Variants in PDE5A observed in about 807,000 individuals in gnomAD.
The protein encoded by PDE5A is phosphodiesterase 5A, also known as cGMP-specific 3',5'-cyclic phosphodiesterase.
In PDE5A, 67 loss-of-function variants were observed where a neutral mutation model predicts 110.2. The observed-to-expected ratio is 0.61, with a 90% CI of 0.50 to 0.75. The LOEUF (loss-of-function observed/expected upper bound fraction) is 0.75, where lower values mean the gene tolerates loss of function less well. Ranked by LOEUF, PDE5A falls within the 30% of genes least tolerant of loss-of-function variation. PDE5A has a pLI of 0.00. For missense variants in PDE5A, 862 were observed against 1,045.1 expected (o/e 0.82, Z 2.42); for synonymous variants, 328 against 351.2 (o/e 0.93, Z 0.74).
chr4:119,519,155 C>T lies in PDE5A; in HGVS notation c.1906-16G>A, dbSNP rs199881306. On this transcript the variant is annotated splice_polypyrimidine_tract_variant and intron_variant, in intron 13 of 20. Coordinates refer to ENST00000354960, the MANE Select transcript of PDE5A (RefSeq NM_001083.4). The stretch of plus-strand genomic sequence containing the variant: ...TCAGCTTGTTCTGCATGACCAAAGA[C>T]ATTGGAGGAAAGAGAGAACAAATAT... The T allele has an allele frequency of 7.2e-5, 114 of 1,583,086 alleles. No individual in the cohort carries two copies. The Middle Eastern group carries it at 4.2e-3, about 58-fold the overall frequency.
intron 18 of PDE5A, 122 bp from the exon 19 acceptor site, chr4:119,502,777 C>T: frequency 1.6e-6 from 1 of 644,290 alleles, no homozygotes; most frequent in East Asian, 2.7e-5. Context: ...TAAGCAGCAG[C>T]TTGATACCCG....
intron 3 of PDE5A, among the ~76,000 whole-genome samples, chr4:119,586,040 TG>T (rs1728753922): frequency 6.6e-6 from 1 of 152,184 alleles, no homozygotes; most frequent in Non-Finnish European, 1.5e-5. Context: ...GAACCAAGCT[TG>T]CTAAGCCACT....
At chr4:119,533,022 A>T (rs1726601170) in intron 11 of PDE5A, among the ~76,000 whole-genome samples, 1 of 152,204 alleles carries the variant, frequency 6.6e-6, no homozygotes, top group African/African-American at 2.4e-5. Context: ...AAGTAGTGTG[A>T]AAAGAATGGC....
intron 5 of PDE5A, among the ~76,000 whole-genome samples, chr4:119,564,867 A>G (rs1727870198): frequency 6.6e-6 from 1 of 152,150 alleles, no homozygotes; most frequent in African/African-American, 2.4e-5. Context: ...GAAAAAGTCC[A>G]GATGGAAAAA....
intron 13 of PDE5A, among the ~76,000 whole-genome samples, chr4:119,520,101 C>T (rs1479125032): frequency 6.6e-6 from 1 of 152,100 alleles, no homozygotes; most frequent in Non-Finnish European, 1.5e-5. Context: ...CACGTGTTTG[C>T]TAAGGTAGGA....
chr4:119,584,728 T>C (rs1205539453), intron 3 of PDE5A, among the ~76,000 whole-genome samples: 2 of 152,326 alleles, frequency 1.3e-5, no homozygotes, highest in South Asian at 2.1e-4. Context: ...CTCTGCTTGA[T>C]CTTGCCTCTG....
chr4:119,505,944 A>T lies in PDE5A; in HGVS notation c.2190-12T>A, dbSNP rs200832230. On this transcript the variant is annotated splice_polypyrimidine_tract_variant and intron_variant, in intron 16 of 20. Coordinates refer to ENST00000354960, the MANE Select transcript of PDE5A (RefSeq NM_001083.4). ...ATTCTCCTCGCCTCCTACAATGTTT[A>T]AAAAAAAATTGTTAGTTATAATGAG... The T allele has an allele frequency of 5.2e-5, 74 of 1,412,204 alleles. No individual in the cohort carries two copies. Among genetic ancestry groups the T allele is most frequent in the Non-Finnish European group, 6.5e-5 (67 of 1,032,024 alleles). The allele number at this position is 1,412,204 out of a possible 1,614,324, so 87.5% of individuals were successfully genotyped here. A position where few individuals can be genotyped will look rare whatever the true frequency, so the allele number is the denominator to read the frequency against.
In PDE5A at chr4:119,552,614, G is replaced by A. The variant is rs1727393743; in HGVS notation, c.1332C>T (p.Asn444=). The A allele has an allele frequency of 1.9e-6, 3 of 1,539,244 alleles. No individual in the cohort carries two copies. Among genetic ancestry groups the A allele is most frequent in the Non-Finnish European group, 2.6e-6 (3 of 1,142,738 alleles). The change falls in exon 9 of 21, where the codon AAC becomes AAT. Residue 444 remains asparagine (N), a synonymous_variant. Transcript: ENST00000354960. ...PWTTENTGNV[N]QQCIRSLLCT... Reference sequence around the variant, plus strand: ...AAAGCAAACTTCTAATGCACTGCTGGTTTACATTTCCTGTATTTTCAGTCT... The same window carrying A: ...AAAGCAAACTTCTAATGCACTGCTGATTTACATTTCCTGTATTTTCAGTCT...
intron 19 of PDE5A, 112 bp downstream of exon 19, chr4:119,502,465 AAAAT>A: frequency 1.6e-6 from 1 of 615,762 alleles, no homozygotes; most frequent in South Asian, 2.2e-5. Flanking sequence ...AAAGTTTTAA[AAAAT>A]AAAATGAGAA....
intron 9 of PDE5A, among the ~76,000 whole-genome samples, chr4:119,545,025 A>ACAAG (rs1167605300): frequency 1.3e-5 from 2 of 152,020 alleles, no homozygotes; most frequent in Non-Finnish European, 2.9e-5. Flanking sequence ...GAAAACAACA[A>ACAAG]CAACAACAGC....
intron 7 of PDE5A, among the ~76,000 whole-genome samples, chr4:119,555,967 A>G (rs1045078028): frequency 1.3e-5 from 2 of 152,212 alleles, no homozygotes; most frequent in South Asian, 2.1e-4. Context: ...TAAAGATTGA[A>G]TACCTTCTCC....
At chr4:119,503,672 C>CT (rs1725452480) in intron 18 of PDE5A, among the ~76,000 whole-genome samples, 1 of 152,080 alleles carries the variant, frequency 6.6e-6, no homozygotes, top group African/African-American at 2.4e-5. Context: ...TGAGCATTTT[C>CT]TTTAAGTGTC....
At chr4:119,557,640 T>A (rs1330027005) in intron 7 of PDE5A, among the ~76,000 whole-genome samples, 3 of 152,268 alleles carry the variant, frequency 2.0e-5, no homozygotes, top group East Asian at 3.9e-4. Flanking sequence ...ATGCCAGAAA[T>A]TTTCTGAAGC....
In PDE5A at chr4:119,628,745, A is replaced by G. The variant is rs993854852; in HGVS notation, c.-74T>C. On this transcript the variant is annotated 5_prime_UTR_variant, in exon 1 of 21. Transcript: ENST00000354960. ...CAGCTGGGGTCCGTCCCTCAGAAGA[A>G]CAGGACTCGGCCTCGAGACCCTCCC... 6.3e-7 allele frequency: 1 copy of G among 1,577,958 alleles called. No individual in the cohort carries two copies. The highest frequency in any genetic ancestry group is 8.6e-7 in the Non-Finnish European group (1 of 1,167,176).
intron 9 of PDE5A, among the ~76,000 whole-genome samples, chr4:119,547,083 G>T (rs1727154377): frequency 7.3e-6 from 1 of 136,568 alleles, no homozygotes. Context: ...TAATTGCTTT[G>T]GTTAGAATTT....
rs138745812 is a variant in PDE5A, at chr4:119,520,010, A to G, written c.1906-871T>C. 4.0e-3 allele frequency among the ~76,000 whole-genome samples: 604 copies of G among 152,232 alleles called. 5 individuals are homozygous for G. Among genetic ancestry groups the G allele is most frequent in the African/African-American group, 0.013 (553 of 41,550 alleles). On this transcript the variant is annotated intron_variant, in intron 13 of 20. Coordinates refer to ENST00000354960, the MANE Select transcript of PDE5A (RefSeq NM_001083.4). ...TAGGTATATTCAACCAGTAAGTATA[A>G]TGCAAATATTCCAAAGTCTGAAAAA...
intron 2 of PDE5A, among the ~76,000 whole-genome samples, chr4:119,597,794 T>C (rs878917420): frequency 6.6e-5 from 10 of 152,082 alleles, no homozygotes; most frequent in Admixed American, 2.6e-4. Flanking sequence ...ATTCCATCAA[T>C]TGGGGTCAGA....
intron 16 of PDE5A, among the ~76,000 whole-genome samples, chr4:119,506,380 TTAAAA>T (rs1338041519): frequency 1.3e-5 from 2 of 151,812 alleles, no homozygotes; most frequent in African/African-American, 2.4e-5. Context: ...TAGGTAAAGT[TTAAAA>T]TAAAATAATA....
chr4:119,503,955 T>C (rs1245546610), intron 18 of PDE5A, among the ~76,000 whole-genome samples: 1 of 152,122 alleles, frequency 6.6e-6, no homozygotes, highest in Non-Finnish European at 1.5e-5. Flanking sequence ...AAAAAAATTT[T>C]TTTTATTTTA....
Sources: gnomAD v4.1 joint callset for allele counts (sites outside exome capture counted in the v4.1 genomes callset) on GRCh38, gnomAD v4.1.1 for gene constraint, MANE v1.5 for transcripts, NCBI Gene and HGNC (gene_info 2026-07-23, HGNC 2026-07-21) for gene names.